Variants in IGLON5 observed in about 807,000 individuals in gnomAD.
IGLON5 encodes IgLON family member 5, also known as Ig-like domain-containing protein ENSP00000270642.
IGLON5 carries 16 observed loss-of-function variants against 38.2 expected under a neutral mutation model. The ratio of observed to expected loss-of-function variants is 0.42; its 90% CI spans 0.28 to 0.64. The LOEUF (loss-of-function observed/expected upper bound fraction) is 0.64. Among genes scored for constraint, IGLON5 ranks in the 30% least tolerant of loss-of-function variants. The probability of loss-of-function intolerance (pLI) is 0.23; values close to 1 mark genes in which losing one functional copy is unlikely to be tolerated. For synonymous variants in IGLON5, 207 were observed against 216.4 expected (o/e 0.96, Z 0.38); for missense variants, 366 against 483.4 (o/e 0.76, Z 2.28).
rs1985176612 is a variant in IGLON5 at position 51,324,991 on chromosome 19, G to A, written c.392-355G>A. ...TAATAAATACAAATAGAGACGGGGA[G>A]AGGAATTCAGACCCCAAGATGGAGA... On this transcript the variant is annotated intron_variant, in intron 3 of 7. Coordinates refer to ENST00000270642, the MANE Select transcript of IGLON5 (RefSeq NM_001101372.3). This position sits in a 1 kb window ranked among gnomAD's most constrained non-coding sequence, Gnocchi z 4.2. Among the ~76,000 whole-genome samples the A allele has an allele frequency of 1.3e-5, 2 of 151,976 alleles. No homozygotes were observed. The highest frequency in any genetic ancestry group is 2.1e-4 in the South Asian group (1 of 4,820).
At chr19:51,313,633 C>T (rs2063824) in intron 1 of IGLON5, among the ~76,000 whole-genome samples, 48,096 of 117,796 alleles carry the variant, frequency 0.41, 9,815 homozygotes, top group South Asian at 0.56. Context: ...TTCTCTTTTT[C>T]TCTCTCTCTC....
Position 51,327,242 on chromosome 19 carries a change from G to A in IGLON5, c.767+42G>A, listed in dbSNP as rs1293700204. On this transcript the variant is annotated intron_variant, in intron 6 of 7. Transcript: ENST00000270642. The surrounding 1 kb of genome is among the most constrained non-coding windows in gnomAD (Gnocchi z 7.1). Reference sequence around the variant, plus strand: ...GGGGGCCGTGGGAGCGGGAAGGGGAGGTCTTTAGTCCCTTCGATTGTGAGG... The same window carrying A: ...GGGGGCCGTGGGAGCGGGAAGGGGAAGTCTTTAGTCCCTTCGATTGTGAGG... 6.3e-7 allele frequency: 1 copy of A among 1,589,510 alleles called. No homozygotes were observed. Among genetic ancestry groups the A allele is most frequent in the Non-Finnish European group, 8.6e-7 (1 of 1,166,508 alleles).
chr19:51,323,338 C>A (rs1179535995), intron 2 of IGLON5, among the ~76,000 whole-genome samples: 1 of 152,162 alleles, frequency 6.6e-6, no homozygotes, highest in Middle Eastern at 3.4e-3. Context: ...GGGTCTCTGT[C>A]CCTCTCTCTA....
rs1279772903 is a variant in IGLON5, at chr19:51,327,529, T to C, written c.768-203T>C. Among the ~76,000 whole-genome samples the C allele has an allele frequency of 2.0e-5, 3 of 149,852 alleles. No homozygotes were observed. The highest frequency in any genetic ancestry group is 7.4e-5 in the African/African-American group (3 of 40,514). ...CGACTAGGGGTGCACTACGGGAGAG[T>C]CCAGAGTCCTGAGAGGCCAGGGTGC... is the stretch of plus-strand genomic sequence containing the variant. On this transcript the variant is annotated intron_variant, in intron 6 of 7. Coordinates refer to ENST00000270642, the MANE Select transcript of IGLON5 (RefSeq NM_001101372.3). The surrounding 1 kb of genome is among the most constrained non-coding windows in gnomAD (Gnocchi z 7.1).
intron 7 of IGLON5, among the ~76,000 whole-genome samples, chr19:51,328,372 C>T (rs997105204): frequency 7.0e-6 from 1 of 142,148 alleles, no homozygotes; most frequent in Non-Finnish European, 1.5e-5. Context: ...ATTAGCCAGG[C>T]GTAGTGATGG....
At position 51,323,730 on chromosome 19, in the gene IGLON5, A is replaced by G. The variant is rs746045515; in HGVS notation, c.227A>G (p.Asn76Ser). The G allele has an allele frequency of 9.3e-6, 15 of 1,613,810 alleles. No homozygotes were observed. The East Asian group carries it at 1.8e-4, about 19-fold the overall frequency. Residue 76 changes from asparagine to serine, a missense_variant, in exon 3 of 8, where the codon AAT becomes AGT. By Grantham distance (46) the Asn-to-Ser change is conservative. Transcript: ENST00000270642. ...CGCTCCAACATCCTGTATGCCGGCA[A>G]TGACCGCTGGACCAGCGACCCGCGG... Reference protein sequence around the residue: ...LNRSNILYAGNDRWTSDPRVR... With the variant: ...LNRSNILYAGSDRWTSDPRVR...
rs899556797 is a variant in IGLON5, at chr19:51,327,337, A to G, written c.767+137A>G. ...CCCGAACCTGGGGCGTCCAGCTTCT[A>G]GGTGATGGGATCTGTCCAGCCCCGG... On this transcript the variant is annotated intron_variant, in intron 6 of 7. Transcript: ENST00000270642. The surrounding 1 kb of genome is among the most constrained non-coding windows in gnomAD (Gnocchi z 7.1). The G allele has an allele frequency of 8.0e-5, 97 of 1,214,194 alleles. No individual in the cohort carries two copies. The Middle Eastern group carries it at 1.1e-3, about 14-fold the overall frequency. The allele number at this position is 1,214,194 out of a possible 1,614,324, so 75.2% of individuals were successfully genotyped here. A position where few individuals can be genotyped will look rare whatever the true frequency, so the allele number is the denominator to read the frequency against.
At position 51,324,680 on chromosome 19, in the gene IGLON5, A is replaced by G. The variant is rs1985169530; in HGVS notation, c.392-666A>G. Among the ~76,000 whole-genome samples the G allele has an allele frequency of 6.6e-6, 1 of 152,048 alleles. No homozygotes were observed. Among genetic ancestry groups the G allele is most frequent in the Non-Finnish European group, 1.5e-5 (1 of 68,030 alleles). On this transcript the variant is annotated intron_variant, in intron 3 of 7. Transcript: ENST00000270642. The surrounding 1 kb of genome is among the most constrained non-coding windows in gnomAD (Gnocchi z 4.2). ...TGTCAAATCCCAGACGTCGTCAATT[A>G]GAAGAGCTACTTTTATTTTATGCCC...
intron 7 of IGLON5, 144 bp from the exon 8 acceptor site, chr19:51,328,523 GAAAC>G (rs1985272151): frequency 9.5e-6 from 3 of 316,748 alleles, no homozygotes; most frequent in African/African-American, 5.1e-5. Flanking sequence ...AAAAAAAAAA[GAAAC>G]AGAGTCAGAA....
Position 51,326,839 on chromosome 19 carries a change from T to A in IGLON5, c.587T>A (p.Val196Glu). 6.4e-7 allele frequency: 1 copy of A among 1,556,012 alleles called. No homozygotes were observed. The change falls in exon 5 of 8, where the codon GTG becomes GAG. Residue 196 changes from valine (V) to glutamate (E), a missense_variant. Physicochemically the swap from Val to Glu is moderately radical, Grantham distance 121. Transcript: ENST00000270642. ...QRGQAGEYECVTHNGVNSAPD... is the reference protein window; with the variant it reads ...QRGQAGEYECETHNGVNSAPD... ...GGCCAGGCCGGGGAGTATGAGTGCG[T>A]GACTCACAACGGGGTTAACTCGGCG...
At chr19:51,321,690 G>A (rs1228899410) in intron 1 of IGLON5, among the ~76,000 whole-genome samples, 1 of 152,216 alleles carries the variant, frequency 6.6e-6, no homozygotes, top group Non-Finnish European at 1.5e-5. Context: ...GTGTGTATCT[G>A]TATGTGTGTG....
At chr19:51,321,626 A>T (rs1985058023) in intron 1 of IGLON5, among the ~76,000 whole-genome samples, 1 of 152,144 alleles carries the variant, frequency 6.6e-6, no homozygotes, top group Admixed American at 6.5e-5. Context: ...GTCTGCATGT[A>T]TATGTTTGTA....
In IGLON5 at chr19:51,326,913, C is replaced by T. The variant is rs1310751731; in HGVS notation, c.646+15C>T. The T allele has an allele frequency of 1.3e-6, 2 of 1,570,728 alleles. No homozygotes were observed. The highest frequency in any genetic ancestry group is 8.6e-7 in the Non-Finnish European group (1 of 1,158,100). ...CACAGTCAACTGTGAGCCCCCCTGG[C>T]ACTGGGCACGAAAGGGTGGCGGACC... is the stretch of plus-strand genomic sequence containing the variant. On this transcript the variant is annotated intron_variant, in intron 5 of 7. Coordinates refer to ENST00000270642, the MANE Select transcript of IGLON5 (RefSeq NM_001101372.3).
chr19:51,328,505 GAAAAAAAA>G (rs61422289), intron 7 of IGLON5, among the ~76,000 whole-genome samples, 158 bp from the exon 8 acceptor site: 1 of 111,152 alleles, frequency 9.0e-6, no homozygotes, highest in Non-Finnish European at 2.0e-5. Flanking sequence ...CTCAAAAAAA[GAAAAAAAA>G]AAAAAAAAAG....
Position 51,327,863 on chromosome 19 carries a change from C to G in IGLON5, c.899C>G (p.Ser300Cys), listed in dbSNP as rs1985256538. The G allele has an allele frequency of 6.5e-7, 1 of 1,535,312 alleles. No homozygotes were observed. The highest frequency in any genetic ancestry group is 8.8e-7 in the Non-Finnish European group (1 of 1,139,302). The change falls in exon 7 of 8, where the codon TCC (serine) becomes TGC (cysteine). Residue 300 changes from serine to cysteine, a missense_variant. Transcript: ENST00000270642. The surrounding 1 kb of genome is among the most constrained non-coding windows in gnomAD (Gnocchi z 7.1). ...TCRAANRLGA[S>C]SASMRLLRPG... The stretch of plus-strand genomic sequence containing the variant: ...CGCGCCGCCAACCGACTGGGAGCGT[C>G]CAGCGCCTCCATGCGGCTCCTGCGT...
chr19:51,313,610 T>TCTTTCC (rs1984824509), intron 1 of IGLON5, among the ~76,000 whole-genome samples: 1 of 149,306 alleles, frequency 6.7e-6, no homozygotes, highest in Admixed American at 6.6e-5. Flanking sequence ...TCCTTCTTTC[T>TCTTTCC]TTCTTTCCTT....
At position 51,327,807 on chromosome 19, in the gene IGLON5, G is replaced by C. The variant is rs1368782956; in HGVS notation, c.843G>C (p.Val281=). Residue 281 remains valine, a synonymous_variant, in exon 7 of 8, where the codon GTG becomes GTC. Transcript: ENST00000270642. This position sits in a 1 kb window ranked among gnomAD's most constrained non-coding sequence, Gnocchi z 7.1. ...RTRSMLLFAN[V]SARHYGNYTC... Reference sequence around the variant, plus strand: ...GCTCGATGCTTCTCTTTGCCAACGTGAGCGCCCGGCATTACGGCAACTATA... The same window carrying C: ...GCTCGATGCTTCTCTTTGCCAACGTCAGCGCCCGGCATTACGGCAACTATA... 1 of 1,561,938 alleles carries C rather than the reference G, an allele frequency of 6.4e-7. No homozygotes were observed.
rs921861561 is a variant in IGLON5 at position 51,311,756 on chromosome 19, G to GTCCCCC, written c.-79_-74dup. 9.7e-6 allele frequency: 2 copies of GTCCCCC among 205,518 alleles called. No individual in the cohort carries two copies. Among genetic ancestry groups the GTCCCCC allele is most frequent in the African/African-American group, 2.5e-5 (1 of 39,714 alleles). 12.7% of individuals were successfully genotyped at this position (205,518 alleles called of 1,614,324 possible). A position where few individuals can be genotyped will look rare whatever the true frequency, so the allele number is the denominator to read the frequency against. On this transcript the variant is annotated 5_prime_UTR_variant, in exon 1 of 8. Coordinates refer to ENST00000270642, the MANE Select transcript of IGLON5 (RefSeq NM_001101372.3). ...CCCGGGCCGGTGCAGCGCAGGCGGG[G>GTCCCCC]TCCCCCTCCCCCTCCCCCCTCTCCC...
At chr19:51,326,718 A>G (rs1399928401) in intron 4 of IGLON5, 46 bp from the exon 5 acceptor site, 2 of 1,455,938 alleles carry the variant, frequency 1.4e-6, no homozygotes, top group Non-Finnish European at 1.8e-6. Context: ...TCCCGTGTTA[A>G]GTGTTTGTGT....
Sources: allele counts gnomAD v4.1 joint callset (sites outside exome capture counted in the v4.1 genomes callset), GRCh38; gene constraint gnomAD v4.1.1; non-coding constraint Gnocchi (gnomAD v3.1); transcripts MANE v1.5; gene names NCBI Gene and HGNC (gene_info 2026-07-23, HGNC 2026-07-21).